Variants in PTPRN2 observed in about 807,000 individuals in gnomAD.
PTPRN2 encodes the protein protein tyrosine phosphatase receptor type N2.
PTPRN2 carries 74 observed loss-of-function variants against 118.8 expected under a neutral mutation model. The ratio of observed to expected loss-of-function variants is 0.62; its 90% CI spans 0.52 to 0.76. The LOEUF is 0.76. Ranked by LOEUF, PTPRN2 falls within the 30% of genes least tolerant of loss-of-function variation. The pLI is 0.00. For synonymous variants in PTPRN2, 641 were observed against 608.0 expected, an observed-to-expected ratio of 1.05 and a Z score of -0.80; for missense variants, 1,481 against 1,394.4, an observed-to-expected ratio of 1.06 and a Z score of -0.99.
At chr7:158,369,427 G>A (rs890606525) in intron 2 of PTPRN2, among the ~76,000 whole-genome samples, 5 of 152,044 alleles carry the variant, frequency 3.3e-5, no homozygotes, top group African/African-American at 9.7e-5. Flanking sequence ...TGAGGGTGCC[G>A]GGGGTCAGAA....
intron 1 of PTPRN2, among the ~76,000 whole-genome samples, chr7:158,495,213 A>T (rs1357233918): frequency 2.0e-5 from 3 of 152,196 alleles, no homozygotes; most frequent in Admixed American, 6.5e-5. Flanking sequence ...CCCTGCAGAA[A>T]ACGCTAGGGC....
At chr7:158,242,445 A>G (rs915999439) in intron 3 of PTPRN2, among the ~76,000 whole-genome samples, 6 of 152,030 alleles carry the variant, frequency 3.9e-5, no homozygotes, top group African/African-American at 1.5e-4. Context: ...ACAAAGTTCA[A>G]CTCCTTTCAG....
intron 12 of PTPRN2, among the ~76,000 whole-genome samples, chr7:157,704,314 G>A (rs1472807625): frequency 6.6e-6 from 1 of 152,126 alleles, no homozygotes; most frequent in Non-Finnish European, 1.5e-5. Flanking sequence ...CACCCTCAGG[G>A]GCCCTGCTAC....
At chr7:157,807,760 T>C (rs901712891) in intron 12 of PTPRN2, among the ~76,000 whole-genome samples, 1 of 152,356 alleles carries the variant, frequency 6.6e-6, no homozygotes, top group African/African-American at 2.4e-5. Flanking sequence ...GGCCTCCTGC[T>C]GTCCAGCTGC....
chr7:157,686,577 C>A (rs984967291), intron 12 of PTPRN2, among the ~76,000 whole-genome samples: 3 of 152,230 alleles, frequency 2.0e-5, no homozygotes, highest in Non-Finnish European at 2.9e-5. Context: ...GGCTGCACCA[C>A]GGCGGGTGGA....
At chr7:157,945,671 G>T (rs1201367586) in intron 11 of PTPRN2, among the ~76,000 whole-genome samples, 1 of 151,136 alleles carries the variant, frequency 6.6e-6, no homozygotes, top group Non-Finnish European at 1.5e-5. Flanking sequence ...CTCCAGCTTG[G>T]ACGATGCCGC....
intron 11 of PTPRN2, among the ~76,000 whole-genome samples, chr7:158,045,553 C>T (rs1808779932): frequency 6.6e-6 from 1 of 152,174 alleles, no homozygotes; most frequent in Non-Finnish European, 1.5e-5. Context: ...GCAGCTGGCA[C>T]ATTCAGAGAC....
At chr7:157,659,889 C>T (rs774867630) in intron 13 of PTPRN2, among the ~76,000 whole-genome samples, 4 of 152,022 alleles carry the variant, frequency 2.6e-5, no homozygotes, top group Non-Finnish European at 4.4e-5. Flanking sequence ...GGATTACAGG[C>T]GCCTGCCACC....
At position 157,662,803 on chromosome 7, in the gene PTPRN2, G is replaced by A. The variant is rs1043092611; in HGVS notation, c.2002-6252C>T. On this transcript the variant is annotated intron_variant, in intron 13 of 22. Transcript: ENST00000389418. The stretch of plus-strand genomic sequence containing the variant: ...CTTTCGGAATGTGCTTTTCCAGGGC[G>A]AGCCTTCTTTTTGGACATGGGATGT... 1.3e-5 allele frequency among the ~76,000 whole-genome samples: 2 copies of A among 152,220 alleles called. 1 individual carries two copies. Among genetic ancestry groups the A allele is most frequent in the Non-Finnish European group, 2.9e-5 (2 of 68,046 alleles).
chr7:158,573,392 G>A (rs184182726), intron 1 of PTPRN2, among the ~76,000 whole-genome samples: 17 of 152,286 alleles, frequency 1.1e-4, no homozygotes, highest in African/African-American at 2.6e-4. Flanking sequence ...AAAGTCATTC[G>A]TTGGTATCAA....
intron 11 of PTPRN2, among the ~76,000 whole-genome samples, chr7:158,070,875 CCCA>C (rs1286166942): frequency 8.7e-6 from 1 of 115,232 alleles, no homozygotes; most frequent in Non-Finnish European, 1.7e-5. Flanking sequence ...GGTGGTGGTG[CCCA>C]TGGTGGTGGA....
intron 5 of PTPRN2, among the ~76,000 whole-genome samples, chr7:158,176,506 G>A (rs953332045): frequency 2.6e-5 from 4 of 152,232 alleles, no homozygotes; most frequent in African/African-American, 9.6e-5. Context: ...AACACGCCGA[G>A]TGAACAGAGG....
At chr7:158,485,782 A>G (rs113326984) in intron 2 of PTPRN2, among the ~76,000 whole-genome samples, 251 of 152,238 alleles carry the variant, frequency 1.6e-3, no homozygotes, top group African/African-American at 5.9e-3. Context: ...GAAGAAAATA[A>G]AAGTCACTAC....
intron 11 of PTPRN2, among the ~76,000 whole-genome samples, chr7:157,918,866 G>A (rs1283558263): frequency 6.6e-6 from 1 of 152,158 alleles, no homozygotes; most frequent in East Asian, 1.9e-4. Flanking sequence ...GCCTGACGGC[G>A]GCCATCCTCC....
chr7:158,333,486 C>T (rs1209434628), intron 2 of PTPRN2, among the ~76,000 whole-genome samples: 10 of 147,808 alleles, frequency 6.8e-5, no homozygotes, highest in African/African-American at 2.1e-4. Flanking sequence ...AGAGGTGACA[C>T]CTGGAGACGT....
chr7:157,896,141 C>T (rs959651654), intron 12 of PTPRN2, among the ~76,000 whole-genome samples: 1 of 150,996 alleles, frequency 6.6e-6, no homozygotes, highest in Non-Finnish European at 1.5e-5. Context: ...AGTGCCTGGA[C>T]ATCACAGGTG....
intron 1 of PTPRN2, among the ~76,000 whole-genome samples, chr7:158,521,158 T>C (rs1186705919): frequency 6.6e-6 from 1 of 152,222 alleles, no homozygotes; most frequent in Non-Finnish European, 1.5e-5. Flanking sequence ...TTTGTATTAT[T>C]TTTATTGTTG....
Position 158,022,905 on chromosome 7 carries a change from T to C in PTPRN2, c.1723+58393A>G, listed in dbSNP as rs1807004167. On this transcript the variant is annotated intron_variant, in intron 11 of 22. Transcript: ENST00000389418. This position sits in a 1 kb window ranked among gnomAD's most constrained non-coding sequence, Gnocchi z 4.6. ...CAAGAGTAGCGTTTCCCTCCACGGT[T>C]GCCCAATTTCACCTTGTTCTGCAGG... is the stretch of plus-strand genomic sequence containing the variant. 1.3e-5 allele frequency among the ~76,000 whole-genome samples: 2 copies of C among 152,246 alleles called. No homozygotes were observed. The highest frequency in any genetic ancestry group is 4.8e-5 in the African/African-American group (2 of 41,474).
At chr7:157,747,826 C>T (rs1336707496) in intron 12 of PTPRN2, among the ~76,000 whole-genome samples, 59 of 102,238 alleles carry the variant, frequency 5.8e-4, no homozygotes, top group Middle Eastern at 7.0e-3. Context: ...GGCCTGCGTC[C>T]CTGAGCTTTG....
Sources: gnomAD v4.1 joint callset for allele counts (sites outside exome capture counted in the v4.1 genomes callset) on GRCh38, gnomAD v4.1.1 for gene constraint, Gnocchi (gnomAD v3.1) non-coding constraint, MANE v1.5 for transcripts, NCBI Gene and HGNC (gene_info 2026-07-23, HGNC 2026-07-21) for gene names.